Variants in GCNT1 observed in about 807,000 individuals in gnomAD.
The protein encoded by GCNT1 is beta-1,3-galactosyl-O-glycosyl-glycoprotein beta-1,6-N-acetylglucosaminyltransferase.
A neutral mutation model predicts 26.2 loss-of-function variants in GCNT1; 16 were observed. The ratio of observed to expected loss-of-function variants is 0.61; its 90% CI spans 0.41 to 0.93. The LOEUF is 0.93. Among genes scored for constraint, GCNT1 ranks in the 40% least tolerant of loss-of-function variants. GCNT1 has a pLI of 0.00. For synonymous variants in GCNT1, 183 were observed against 190.8 expected, an observed-to-expected ratio of 0.96 and a Z score of 0.34; for missense variants, 477 against 526.7, an observed-to-expected ratio of 0.91 and a Z score of 0.92.
At chr9:76,413,524 G>A in the GCNT1 span, among the ~76,000 whole-genome samples, 5 of 152,150 alleles carry the variant, frequency 3.3e-5, no homozygotes, top group African/African-American at 1.2e-4. Context: ...AGAGAAGTTG[G>A]TTGTAAATTT....
intron 2 of GCNT1, among the ~76,000 whole-genome samples, chr9:76,491,846 G>C (rs1824746453): frequency 6.6e-6 from 1 of 152,196 alleles, no homozygotes; most frequent in Non-Finnish European, 1.5e-5. Context: ...GGTCCCTCAA[G>C]GAGTAGCGCC....
intron 2 of GCNT1, among the ~76,000 whole-genome samples, chr9:76,464,030 C>CTTTTTT (rs1192946211): frequency 2.3e-5 from 3 of 128,358 alleles, no homozygotes; most frequent in Non-Finnish European, 4.8e-5. Context: ...ACTCCCATCT[C>CTTTTTT]TTTTTTTGTT....
chr9:76,394,029 G>A, the GCNT1 span: 3 of 1,493,660 alleles, frequency 2.0e-6, no homozygotes, highest in Non-Finnish European at 2.7e-6. Flanking sequence ...GTCCCCGGCT[G>A]CCGTCTCTCC....
chr9:76,445,092 C>T (rs1377295330), intron 1 of GCNT1, among the ~76,000 whole-genome samples: 4 of 152,058 alleles, frequency 2.6e-5, no homozygotes, highest in East Asian at 3.9e-4. Context: ...AGGAGGAAGG[C>T]GTTCAAGAAA....
chr9:76,395,170 C>T, the GCNT1 span, among the ~76,000 whole-genome samples: 1 of 152,148 alleles, frequency 6.6e-6, no homozygotes, highest in African/African-American at 2.4e-5. Flanking sequence ...ACTGTAAATA[C>T]GCACGCTCCT....
At chr9:76,467,897 G>GTT (rs35387152) in intron 2 of GCNT1, among the ~76,000 whole-genome samples, 849 of 59,102 alleles carry the variant, frequency 0.014, 176 homozygotes, top group African/African-American at 0.026. Context: ...CTCTTTCAGT[G>GTT]TTTTTTTTTT....
intron 1 of GCNT1, among the ~76,000 whole-genome samples, chr9:76,428,104 A>C (rs1388442568): frequency 3.3e-5 from 5 of 151,888 alleles, no homozygotes; most frequent in Non-Finnish European, 7.4e-5. Context: ...ATCTCTACTA[A>C]AAATACAAAA....
intron 2 of GCNT1, among the ~76,000 whole-genome samples, chr9:76,478,429 A>G (rs113157882): frequency 0.028 from 4,303 of 152,230 alleles, 204 homozygotes; most frequent in African/African-American, 0.098. Flanking sequence ...CACGGGAAGG[A>G]AGAAACTCAG....
In GCNT1 at chr9:76,501,497, G is replaced by A. The variant is rs11144930; in HGVS notation, c.-144+436G>A. ...ATAACTAATGCAGAAAACGCAAGCT[G>A]TATCTCTCTTTTGGATTATGAATAC... On this transcript the variant is annotated intron_variant, in intron 3 of 3. Coordinates refer to ENST00000376730, the MANE Select transcript of GCNT1 (RefSeq NM_001490.5). 6.7e-4 allele frequency among the ~76,000 whole-genome samples: 102 copies of A among 152,274 alleles called. 1 individual carries two copies. In the East Asian group the frequency reaches 0.019, roughly 28 times the overall value.
intron 2 of GCNT1, among the ~76,000 whole-genome samples, chr9:76,467,537 A>G (rs1163418998): frequency 1.3e-5 from 2 of 152,000 alleles, no homozygotes; most frequent in Non-Finnish European, 1.5e-5. Flanking sequence ...CAATTCCATC[A>G]AATCTCTGGT....
chr9:76,469,569 C>G (rs1365498467), intron 2 of GCNT1, among the ~76,000 whole-genome samples: 1 of 152,166 alleles, frequency 6.6e-6, no homozygotes, highest in Non-Finnish European at 1.5e-5. Context: ...CTCTTCTGGT[C>G]CGTGTTTGTT....
At chr9:76,399,050 G>C in the GCNT1 span, 1 of 1,596,384 alleles carries the variant, frequency 6.3e-7, no homozygotes, top group Non-Finnish European at 8.5e-7. Flanking sequence ...AGCCTTCCGG[G>C]AGCCATGGCT....
intron 2 of GCNT1, among the ~76,000 whole-genome samples, chr9:76,494,290 C>A (rs965274181): frequency 6.6e-6 from 1 of 152,150 alleles, no homozygotes; most frequent in Non-Finnish European, 1.5e-5. Context: ...GATTTAGTGA[C>A]CCTTACCAAC....
intron 2 of GCNT1, among the ~76,000 whole-genome samples, chr9:76,495,619 G>A (rs1416356720): frequency 6.6e-6 from 1 of 152,088 alleles, no homozygotes; most frequent in African/African-American, 2.4e-5. Flanking sequence ...AATGCTGATT[G>A]GTACATTTAC....
chr9:76,501,079 T>G lies in GCNT1; in HGVS notation c.-144+18T>G, dbSNP rs1237692673. ...TTTAAATGGTAAAAAGTCTAAATACTTTTCTTAACATTATTTTATATTAAT... is the reference window on the plus strand; with the variant it reads ...TTTAAATGGTAAAAAGTCTAAATACGTTTCTTAACATTATTTTATATTAAT... On this transcript the variant is annotated intron_variant, in intron 3 of 3. Transcript: ENST00000376730. 1.3e-5 allele frequency: 2 copies of G among 152,232 alleles called. No individual in the cohort carries two copies. The highest frequency in any genetic ancestry group is 2.9e-5 in the Non-Finnish European group (2 of 68,046). 9.4% of individuals were successfully genotyped at this position (152,232 alleles called of 1,614,324 possible).
At chr9:76,465,773 G>C (rs767042154) in intron 2 of GCNT1, among the ~76,000 whole-genome samples, 1 of 152,228 alleles carries the variant, frequency 6.6e-6, no homozygotes, top group Non-Finnish European at 1.5e-5. Flanking sequence ...GATTGGGTTT[G>C]TAGTTAAAAT....
chr9:76,399,309 A>G, the GCNT1 span: 3 of 1,413,634 alleles, frequency 2.1e-6, no homozygotes, highest in African/African-American at 4.2e-5. Flanking sequence ...CTCTACTTCT[A>G]CAGAGATCCT....
At chr9:76,464,408 G>A (rs1244480875) in intron 2 of GCNT1, among the ~76,000 whole-genome samples, 3 of 152,048 alleles carry the variant, frequency 2.0e-5, no homozygotes, top group Non-Finnish European at 4.4e-5. Flanking sequence ...ATGGAGATGG[G>A]GTTTTGCCAT....
At chr9:76,491,137 G>A (rs1824724482) in intron 2 of GCNT1, among the ~76,000 whole-genome samples, 2 of 151,014 alleles carry the variant, frequency 1.3e-5, no homozygotes, top group Non-Finnish European at 3.0e-5. Flanking sequence ...CTCTCTTTTT[G>A]ACTCCCTCTT....
Sources: allele counts gnomAD v4.1 joint callset (sites outside exome capture counted in the v4.1 genomes callset), GRCh38; gene constraint gnomAD v4.1.1; transcripts MANE v1.5; gene names NCBI Gene and HGNC (gene_info 2026-07-23, HGNC 2026-07-21).